CSPG5: variants seen among roughly 807,000 people sequenced by gnomAD.
The protein encoded by CSPG5 is chondroitin sulfate proteoglycan 5, also known as acidic leucine-rich EGF-like domain-containing brain protein.
A neutral mutation model predicts 39.8 loss-of-function variants in CSPG5; 25 were observed. The ratio of observed to expected loss-of-function variants is 0.63; its 90% CI spans 0.46 to 0.88. The LOEUF (loss-of-function observed/expected upper bound fraction) is 0.88, where lower values mean the gene tolerates loss of function less well. Ranked by LOEUF, CSPG5 falls within the 40% of genes least tolerant of loss-of-function variation. The probability of loss-of-function intolerance (pLI) is 0.00; values close to 1 mark genes in which losing one functional copy is unlikely to be tolerated. For missense variants in CSPG5, 627 were observed against 702.2 expected (o/e 0.89, Z 1.21); for synonymous variants, 295 against 303.9 (o/e 0.97, Z 0.31).
chr3:47,576,762 G>T (rs531303824), intron 2 of CSPG5, 71 bp downstream of exon 2: 1 of 1,487,010 alleles, frequency 6.7e-7, no homozygotes, highest in African/African-American at 1.4e-5. Flanking sequence ...GCCCGGCTAC[G>T]CTGCCCTCTG....
intron 4 of CSPG5, among the ~76,000 whole-genome samples, chr3:47,567,023 G>C (rs1190037151): frequency 6.6e-6 from 1 of 152,316 alleles, no homozygotes; most frequent in African/African-American, 2.4e-5. Flanking sequence ...CACAAAGCTG[G>C]ATCAGCCAAG....
intron 4 of CSPG5, among the ~76,000 whole-genome samples, chr3:47,563,956 C>T (rs115686254): frequency 2.3e-3 from 343 of 152,320 alleles, no homozygotes; most frequent in African/African-American, 8.0e-3. Flanking sequence ...TCTTGCTTTA[C>T]TCATTTCCTT....
chr3:47,578,100 G>A lies in CSPG5; in HGVS notation c.98-172C>T. The A allele has an allele frequency of 2.0e-6, 2 of 1,008,246 alleles. No homozygotes were observed. The highest frequency in any genetic ancestry group is 2.6e-6 in the Non-Finnish European group (2 of 777,426). 62.5% of individuals were successfully genotyped at this position (1,008,246 alleles called of 1,614,324 possible). A position where few individuals can be genotyped will look rare whatever the true frequency, so the allele number is the denominator to read the frequency against. The stretch of plus-strand genomic sequence containing the variant: ...CAGCCACCCGGTACCTCTAAGCCCC[G>A]TCCCGGAGTCTGCCCCCAAGACGAG... On this transcript the variant is annotated intron_variant, in intron 1 of 4. Transcript: ENST00000264723. The surrounding 1 kb of genome is among the most constrained non-coding windows in gnomAD (Gnocchi z 6.0).
At chr3:47,569,463 G>T (rs1274981465) in intron 3 of CSPG5, among the ~76,000 whole-genome samples, 1 of 151,912 alleles carries the variant, frequency 6.6e-6, no homozygotes, top group Non-Finnish European at 1.5e-5. Flanking sequence ...AATTAGCTGG[G>T]CGTGGTGGCA....
chr3:47,571,446 C>T (rs369836285), intron 3 of CSPG5, among the ~76,000 whole-genome samples: 29 of 152,248 alleles, frequency 1.9e-4, no homozygotes, highest in Non-Finnish European at 3.1e-4. Flanking sequence ...GTCCCATCTC[C>T]TGCCCCCTGG....
At chr3:47,563,138 TC>T (rs765413763) in intron 4 of CSPG5, among the ~76,000 whole-genome samples, 2 of 152,182 alleles carry the variant, frequency 1.3e-5, no homozygotes, top group African/African-American at 2.4e-5. Flanking sequence ...TGGCCTTCCA[TC>T]CTGTTGAGTT....
At chr3:47,563,409 A>C (rs148965646) in intron 4 of CSPG5, among the ~76,000 whole-genome samples, 5 of 152,356 alleles carry the variant, frequency 3.3e-5, no homozygotes, top group African/African-American at 1.2e-4. Flanking sequence ...ATGGCTTGCC[A>C]CACTCTGCAT....
At position 47,572,696 on chromosome 3, in the gene CSPG5, G is replaced by A. The variant is rs776965190; in HGVS notation, c.1372C>T (p.Arg458Cys). 5.5e-5 allele frequency: 88 copies of A among 1,613,844 alleles called. No homozygotes were observed. The highest frequency in any genetic ancestry group is 6.4e-5 in the Non-Finnish European group (75 of 1,179,896). ...GTGACACAGACTCACTTGGTCCTAC[G>A]CAGCTTGGTATTCTCCGTCTTGAGC... ...YLLKTENTKL[R>C]RTNKFRTPSE... The change falls in exon 3 of 5, where the codon CGT becomes TGT. Residue 458 changes from arginine to cysteine, a missense_variant. Arg to Cys is a radical substitution (Grantham distance 180, BLOSUM62 -3). Coordinates refer to ENST00000264723, the MANE Select transcript of CSPG5 (RefSeq NM_006574.4). This position sits in a 1 kb window ranked among gnomAD's most constrained non-coding sequence, Gnocchi z 4.5.
intron 4 of CSPG5, among the ~76,000 whole-genome samples, chr3:47,563,874 C>G (rs996156329): frequency 2.6e-5 from 4 of 152,162 alleles, no homozygotes; most frequent in Non-Finnish European, 4.4e-5. Flanking sequence ...CTTAAAGGTT[C>G]TCAGGAAGCT....
Position 47,572,986 on chromosome 3 carries a change from C to T in CSPG5, c.1194-112G>A, listed in dbSNP as rs183056567. 1.6e-3 allele frequency: 1,342 copies of T among 822,090 alleles called. 10 individuals carry two copies. The highest frequency in any genetic ancestry group is 8.0e-4 in the Non-Finnish European group (426 of 531,016). The allele number at this position is 822,090 out of a possible 1,614,324, so 50.9% of individuals were successfully genotyped here. A position where few individuals can be genotyped will look rare whatever the true frequency, so the allele number is the denominator to read the frequency against. ...CTCCACAGCCTGTTCCGAAGGCCATCTAGAGGAACTGCAATGCTCCGAATC... is the reference window on the plus strand; with the variant it reads ...CTCCACAGCCTGTTCCGAAGGCCATTTAGAGGAACTGCAATGCTCCGAATC... On this transcript the variant is annotated intron_variant, in intron 2 of 4. Transcript: ENST00000264723. The surrounding 1 kb of genome is among the most constrained non-coding windows in gnomAD (Gnocchi z 4.5).
chr3:47,570,384 A>T (rs1414655322), intron 3 of CSPG5, among the ~76,000 whole-genome samples: 1 of 151,794 alleles, frequency 6.6e-6, no homozygotes, highest in Non-Finnish European at 1.5e-5. Flanking sequence ...GATTACAGGC[A>T]TGAGTCACAG....
In CSPG5 at chr3:47,577,681, C is replaced by T. The variant is rs1459954108; in HGVS notation, c.345G>A (p.Ala115=). ...SPGLGGVTAE[A]GSGDAQALPA... The stretch of plus-strand genomic sequence containing the variant: ...GAAGGGCCTGGGCATCGCCGCTGCC[C>T]GCCTCTGCGGTCACTCCTCCCAGGC... Residue 115 remains alanine, a synonymous_variant, in exon 2 of 5, where the codon GCG becomes GCA. Transcript: ENST00000264723. The surrounding 1 kb of genome is among the most constrained non-coding windows in gnomAD (Gnocchi z 4.7). 1 of 1,595,218 alleles carries T rather than the reference C, an allele frequency of 6.3e-7. No homozygotes were observed. Among genetic ancestry groups the T allele is most frequent in the South Asian group, 1.1e-5 (1 of 88,196 alleles).
chr3:47,573,042 C>T lies in CSPG5; in HGVS notation c.1194-168G>A, dbSNP rs138419137. On this transcript the variant is annotated intron_variant, in intron 2 of 4. Coordinates refer to ENST00000264723, the MANE Select transcript of CSPG5 (RefSeq NM_006574.4). Reference sequence around the variant, plus strand: ...AGACCTCAGAGCTGGTGTGATCGCCCCTGCCTTTACAACCATTCTATGAAG... The same window carrying T: ...AGACCTCAGAGCTGGTGTGATCGCCTCTGCCTTTACAACCATTCTATGAAG... Among the ~76,000 whole-genome samples, 953 of 152,296 alleles carry T rather than the reference C, an allele frequency of 6.3e-3. 12 individuals are homozygous for T. Among genetic ancestry groups the T allele is most frequent in the African/African-American group, 0.021 (887 of 41,556 alleles).
intron 4 of CSPG5, among the ~76,000 whole-genome samples, chr3:47,565,726 G>C (rs2031271663): frequency 6.6e-6 from 1 of 151,944 alleles, no homozygotes; most frequent in African/African-American, 2.4e-5. Flanking sequence ...GAAATCCTAG[G>C]AATAAACTGA....
Position 47,572,926 on chromosome 3 carries a change from A to G in CSPG5, c.1194-52T>C. The G allele has an allele frequency of 6.6e-7, 1 of 1,522,002 alleles. No homozygotes were observed. The highest frequency in any genetic ancestry group is 9.0e-7 in the Non-Finnish European group (1 of 1,113,168). 94.3% of individuals were successfully genotyped at this position (1,522,002 alleles called of 1,614,324 possible). On this transcript the variant is annotated intron_variant, in intron 2 of 4. Coordinates refer to ENST00000264723, the MANE Select transcript of CSPG5 (RefSeq NM_006574.4). This position sits in a 1 kb window ranked among gnomAD's most constrained non-coding sequence, Gnocchi z 4.5. ...GGCGATGGAGCAGGCAGCCACGGCC[A>G]CAGTAAGGGCCTGGGCCCTGACCCC...
intron 4 of CSPG5, among the ~76,000 whole-genome samples, chr3:47,568,806 A>T (rs938827201): frequency 6.6e-6 from 1 of 152,216 alleles, no homozygotes; most frequent in Non-Finnish European, 1.5e-5. Context: ...ACTTGAGGCC[A>T]GGAGTTCGAG....
At chr3:47,575,841 C>T (rs2031699597) in intron 2 of CSPG5, among the ~76,000 whole-genome samples, 1 of 152,044 alleles carries the variant, frequency 6.6e-6, no homozygotes, top group Non-Finnish European at 1.5e-5. Flanking sequence ...GGGCCTACCC[C>T]TCTCACCAGT....
chr3:47,577,463 C>A lies in CSPG5; in HGVS notation c.563G>T (p.Gly188Val), dbSNP rs3732530. 1,027,268 of 1,613,554 alleles carry A rather than the reference C, an allele frequency of 0.64. 333,240 individuals carry two copies. Among genetic ancestry groups the A allele is most frequent in the Non-Finnish European group, 0.67 (788,698 of 1,179,844 alleles). ...NLGGSTPDPQGPELTYPFQGT... is the reference protein window; with the variant it reads ...NLGGSTPDPQVPELTYPFQGT... ...CTGAAATGGGTAAGTCAGCTCTGGC[C>A]CTTGAGGGTCGGGTGTGCTGCCCCC... The change falls in exon 2 of 5, where the codon GGG (glycine) becomes GTG (valine). Residue 188 changes from glycine to valine, a missense_variant. Gly to Val is a moderately radical substitution (Grantham distance 109, BLOSUM62 -3). Transcript: ENST00000264723. This position sits in a 1 kb window ranked among gnomAD's most constrained non-coding sequence, Gnocchi z 4.7.
Position 47,577,851 on chromosome 3 carries a change from T to C in CSPG5, c.175A>G (p.Thr59Ala). The C allele has an allele frequency of 1.3e-6, 2 of 1,543,938 alleles. No individual in the cohort carries two copies. Among genetic ancestry groups the C allele is most frequent in the Non-Finnish European group, 1.7e-6 (2 of 1,157,046 alleles). ...SPAWEPPANDTREEAGPPAAG... is the reference protein window; with the variant it reads ...SPAWEPPANDAREEAGPPAAG... ...GCTGGTGGGCCGGCTTCTTCCCGCG[T>C]GTCGTTGGCAGGCGGCTCCCACGCC... Residue 59 changes from threonine (T) to alanine (A), a missense_variant, in exon 2 of 5, where the codon ACG becomes GCG. Thr to Ala is a moderately conservative substitution (Grantham distance 58, BLOSUM62 0). Transcript: ENST00000264723. This position sits in a 1 kb window ranked among gnomAD's most constrained non-coding sequence, Gnocchi z 4.7.
Sources: allele counts gnomAD v4.1 joint callset (sites outside exome capture counted in the v4.1 genomes callset), GRCh38; gene constraint gnomAD v4.1.1; non-coding constraint Gnocchi (gnomAD v3.1); transcripts MANE v1.5; gene names NCBI Gene and HGNC (gene_info 2026-07-23, HGNC 2026-07-21).